Variants in NSRP1 observed in about 807,000 individuals in gnomAD.
NSRP1 encodes coiled-coil domain containing 55.
Under a neutral mutation model 54.7 loss-of-function variants are expected in NSRP1, and 24 were observed. The observed-to-expected ratio is 0.44, with a 90% CI of 0.32 to 0.62. The LOEUF is 0.62. Ranked by LOEUF, NSRP1 falls within the 20% of genes least tolerant of loss-of-function variation. NSRP1 has a pLI of 0.06. For synonymous variants in NSRP1, 210 were observed against 213.8 expected (o/e 0.98, Z 0.15); for missense variants, 596 against 651.2 (o/e 0.92, Z 0.92).
rs1905517208 is a variant in NSRP1, at chr17:30,185,861, A to G, written c.*187A>G. The G allele has an allele frequency of 1.1e-5, 6 of 562,460 alleles. No individual in the cohort carries two copies. In the East Asian group the frequency reaches 1.5e-4, roughly 14 times the overall value. The allele number at this position is 562,460 out of a possible 1,614,324, so 34.8% of individuals were successfully genotyped here. On this transcript the variant is annotated 3_prime_UTR_variant, in exon 7 of 7. Transcript: ENST00000247026. Reference sequence around the variant, plus strand: ...TGGATGTGGATGTTTGGCTGAATTTATATATAGTGTGTACTCATCAATACC... The same window carrying G: ...TGGATGTGGATGTTTGGCTGAATTTGTATATAGTGTGTACTCATCAATACC...
At position 30,184,672 on chromosome 17, in the gene NSRP1, C is replaced by T. The variant is rs762366162; in HGVS notation, c.675C>T (p.Asn225=). The change falls in exon 7 of 7, where the codon AAC becomes AAT. Residue 225 remains asparagine (N), a synonymous_variant. Transcript: ENST00000247026. ...RGFSNEVSSK[N]RIPQEKCILQ... The stretch of plus-strand genomic sequence containing the variant: ...TCTCCAATGAAGTAAGTTCAAAAAA[C>T]AGAATACCACAAGAGAAATGCATTC... 6.2e-7 allele frequency: 1 copy of T among 1,602,780 alleles called. No individual in the cohort carries two copies. Among genetic ancestry groups the T allele is most frequent in the Non-Finnish European group, 8.5e-7 (1 of 1,175,504 alleles).
intron 3 of NSRP1, among the ~76,000 whole-genome samples, chr17:30,176,808 ATT>A (rs888180972): frequency 6.6e-6 from 1 of 152,144 alleles, no homozygotes; most frequent in African/African-American, 2.4e-5. Context: ...AAAAAAATGA[ATT>A]TCTTAATATT....
rs1408416661 is a variant in NSRP1 at position 30,125,582 on chromosome 17, C to T, written c.114+7409C>T. 5.3e-5 allele frequency among the ~76,000 whole-genome samples: 8 copies of T among 152,332 alleles called. No individual in the cohort carries two copies. In the South Asian group the frequency reaches 1.5e-3, roughly 28 times the overall value. On this transcript the variant is annotated intron_variant, in intron 2 of 6. Coordinates refer to ENST00000247026, the MANE Select transcript of NSRP1 (RefSeq NM_032141.4). Reference sequence around the variant, plus strand: ...TTCTTTTTTGAGACAGAGTCTAGCTCTGTCATCCAGGCTGGAGTGCAGTGG... The same window carrying T: ...TTCTTTTTTGAGACAGAGTCTAGCTTTGTCATCCAGGCTGGAGTGCAGTGG...
chr17:30,142,118 A>G (rs1229033983), intron 2 of NSRP1, among the ~76,000 whole-genome samples: 2 of 152,136 alleles, frequency 1.3e-5, no homozygotes, highest in East Asian at 3.8e-4. Flanking sequence ...CTTGCAAACA[A>G]TTTGTGTATC....
intron 2 of NSRP1, among the ~76,000 whole-genome samples, chr17:30,166,941 A>G (rs1033461504): frequency 2.6e-5 from 4 of 152,024 alleles, no homozygotes; most frequent in African/African-American, 4.8e-5. Flanking sequence ...AACAAAAAGG[A>G]TAGTCACCTT....
intron 3 of NSRP1, among the ~76,000 whole-genome samples, chr17:30,176,733 T>A (rs192237972): frequency 4.6e-5 from 7 of 151,542 alleles, no homozygotes; most frequent in African/African-American, 1.7e-4. Flanking sequence ...TTTTGGGGAG[T>A]GAGCAGGAGT....
rs1481107161 is a variant in NSRP1, at chr17:30,122,349, T to TGTG, written c.114+4176_114+4177insGTG. On this transcript the variant is annotated intron_variant, in intron 2 of 6. Coordinates refer to ENST00000247026, the MANE Select transcript of NSRP1 (RefSeq NM_032141.4). ...TTTCTGGTTCATATGATAACTCTGG[T>TGTG]TTCATATATATATATATATATATAT... The TGTG allele has an allele frequency of 1.3e-3, 95 of 72,310 alleles. 2 individuals are homozygous for TGTG. The highest frequency in any genetic ancestry group is 5.4e-3 in the African/African-American group (95 of 17,608). The allele number at this position is 72,310 out of a possible 1,614,324, so 4.5% of individuals were successfully genotyped here.
chr17:30,119,120 G>A (rs747282961), intron 2 of NSRP1, among the ~76,000 whole-genome samples: 3 of 148,144 alleles, frequency 2.0e-5, no homozygotes, highest in African/African-American at 2.5e-5. Flanking sequence ...ACAGAGTTTC[G>A]CTCTTGTTAC....
chr17:30,162,956 T>C (rs994035954), intron 2 of NSRP1: 8 of 152,114 alleles, frequency 5.3e-5, no homozygotes, highest in African/African-American at 1.9e-4. Flanking sequence ...CTCAGCTCAC[T>C]GCAACCTCCG....
intron 2 of NSRP1, among the ~76,000 whole-genome samples, chr17:30,140,431 C>A (rs1297291187): frequency 6.7e-6 from 1 of 148,798 alleles, no homozygotes; most frequent in African/African-American, 2.5e-5. Context: ...GGACAGTTAA[C>A]AGAAATTTTG....
intron 2 of NSRP1, among the ~76,000 whole-genome samples, chr17:30,145,580 T>G (rs2071847175): frequency 6.6e-6 from 1 of 152,100 alleles, no homozygotes; most frequent in Admixed American, 6.6e-5. Flanking sequence ...AGACTCCATC[T>G]CAAAAAAAAT....
chr17:30,120,588 G>A (rs1338260830), intron 2 of NSRP1, among the ~76,000 whole-genome samples: 1 of 152,054 alleles, frequency 6.6e-6, no homozygotes, highest in East Asian at 1.9e-4. Flanking sequence ...CTAGTCTAGT[G>A]GGGAAGACAG....
In NSRP1 at chr17:30,178,276, T is replaced by TG; in HGVS notation, c.300+78dup. The TG allele has an allele frequency of 2.7e-6, 4 of 1,504,584 alleles. No individual in the cohort carries two copies. In the South Asian group the frequency reaches 4.1e-5, roughly 15 times the overall value. The allele number at this position is 1,504,584 out of a possible 1,614,324, so 93.2% of individuals were successfully genotyped here. A position where few individuals can be genotyped will look rare whatever the true frequency, so the allele number is the denominator to read the frequency against. ...TCTTAATCTTATTTTAACATGAGAA[T>TG]GATCTGAGAAAAAGCTTTTAGGTAT... On this transcript the variant is annotated intron_variant, in intron 4 of 6. Coordinates refer to ENST00000247026, the MANE Select transcript of NSRP1 (RefSeq NM_032141.4).
chr17:30,183,247 A>T (rs976087719), intron 6 of NSRP1, among the ~76,000 whole-genome samples: 2 of 152,064 alleles, frequency 1.3e-5, no homozygotes, highest in African/African-American at 4.8e-5. Flanking sequence ...TTTAACAGGA[A>T]TGTTCTGGGT....
Position 30,184,610 on chromosome 17 carries a change from C to T in NSRP1, c.618-5C>T, listed in dbSNP as rs1417301216. On this transcript the variant is annotated splice_polypyrimidine_tract_variant and splice_region_variant and intron_variant, in intron 6 of 6. Coordinates refer to ENST00000247026, the MANE Select transcript of NSRP1 (RefSeq NM_032141.4). ...TTCTGCCCTTTTTTGTTTTTTGTTT[C>T]TAAGATCTGGTATAAAGGAAGAAAA... 1.8e-5 allele frequency: 27 copies of T among 1,516,296 alleles called. No homozygotes were observed. Among genetic ancestry groups the T allele is most frequent in the African/African-American group, 7.0e-5 (5 of 71,082 alleles). 93.9% of individuals were successfully genotyped at this position (1,516,296 alleles called of 1,614,324 possible).
intron 2 of NSRP1, among the ~76,000 whole-genome samples, chr17:30,142,687 A>G (rs756409151): frequency 3.6e-4 from 55 of 152,308 alleles, no homozygotes; most frequent in Non-Finnish European, 6.2e-4. Context: ...AGTGGTAGCT[A>G]TATTGCTGCA....
At chr17:30,182,111 A>G (rs569874796) in intron 6 of NSRP1, among the ~76,000 whole-genome samples, 29 of 129,448 alleles carry the variant, frequency 2.2e-4, no homozygotes, top group Middle Eastern at 5.1e-3. Context: ...CCTTAAAATG[A>G]TTGGTGCCTG....
intron 6 of NSRP1, among the ~76,000 whole-genome samples, chr17:30,181,615 T>TG (rs1348233422): frequency 2.0e-5 from 3 of 149,482 alleles, no homozygotes; most frequent in East Asian, 1.9e-4. Context: ...TTTTTGTTTT[T>TG]TTTTTTTTTA....
intron 2 of NSRP1, among the ~76,000 whole-genome samples, chr17:30,152,364 C>T (rs1360122467): frequency 4.0e-5 from 6 of 151,358 alleles, no homozygotes; most frequent in East Asian, 1.9e-4. Context: ...ATGATCTGCC[C>T]GCCTCAGCCT....
Sources: gnomAD v4.1 joint callset for allele counts (sites outside exome capture counted in the v4.1 genomes callset) on GRCh38, gnomAD v4.1.1 for gene constraint, MANE v1.5 for transcripts, NCBI Gene and HGNC (gene_info 2026-07-23, HGNC 2026-07-21) for gene names.